DGKI: variants seen among roughly 807,000 people sequenced by gnomAD.
The protein encoded by DGKI is DAG kinase iota.
In DGKI, 55 loss-of-function variants were observed where a neutral mutation model predicts 147.5. The ratio of observed to expected loss-of-function variants is 0.37; its 90% CI spans 0.30 to 0.47. The LOEUF (loss-of-function observed/expected upper bound fraction) is 0.47. DGKI is among the 20% of genes least tolerant of loss of function. The pLI is 1.00. For missense variants in DGKI, 1,007 were observed against 1,323.8 expected, an observed-to-expected ratio of 0.76 and a Z score of 3.71; for synonymous variants, 469 against 477.1, an observed-to-expected ratio of 0.98 and a Z score of 0.22.
At position 137,704,782 on chromosome 7, in the gene DGKI, T is replaced by C. The variant is rs1014346186; in HGVS notation, c.402-14780A>G. ...TTGAAAGCAGCTAGAGGAAAATAAA[T>C]CATCACATGCAAGGCATCCTTCATA... is the stretch of plus-strand genomic sequence containing the variant. On this transcript the variant is annotated intron_variant, in intron 1 of 32. Transcript: ENST00000614521. Among the ~76,000 whole-genome samples the C allele has an allele frequency of 8.5e-5, 13 of 152,056 alleles. No individual in the cohort carries two copies. In the East Asian group the frequency reaches 2.5e-3, roughly 29 times the overall value.
In DGKI at chr7:137,622,737, T is replaced by C. The variant is rs186299088; in HGVS notation, c.876+746A>G. On this transcript the variant is annotated intron_variant, in intron 7 of 32. Coordinates refer to ENST00000614521, the MANE Select transcript of DGKI (RefSeq NM_001321708.2). The stretch of plus-strand genomic sequence containing the variant: ...CTGCCAACACCTGGGTTAGACTATA[T>C]GTTATGTGGTAAAAGAAAGAACAGG... Among the ~76,000 whole-genome samples the C allele has an allele frequency of 2.6e-5, 4 of 152,290 alleles. No individual in the cohort carries two copies. In the East Asian group the frequency reaches 7.7e-4, roughly 29 times the overall value.
chr7:137,723,156 C>G (rs1368283064), intron 1 of DGKI, among the ~76,000 whole-genome samples: 1 of 152,200 alleles, frequency 6.6e-6, no homozygotes, highest in Non-Finnish European at 1.5e-5. Flanking sequence ...GTACCCTCCT[C>G]AGGGAGGCCT....
intron 1 of DGKI, among the ~76,000 whole-genome samples, chr7:137,825,679 C>A (rs537815615): frequency 4.6e-5 from 7 of 151,536 alleles, no homozygotes; most frequent in Admixed American, 2.0e-4. Context: ...CACTCACACA[C>A]ACACATACAC....
chr7:137,638,642 G>GTA (rs1563126073), intron 6 of DGKI, among the ~76,000 whole-genome samples: 103 of 3,338 alleles, frequency 0.031, 20 homozygotes, highest in African/African-American at 0.06. Flanking sequence ...GTGTATATAT[G>GTA]TGTATGTATA....
intron 8 of DGKI, among the ~76,000 whole-genome samples, chr7:137,613,228 T>TC (rs533714217): frequency 1.2e-3 from 181 of 151,642 alleles, no homozygotes; most frequent in African/African-American, 4.2e-3. Flanking sequence ...AAATAAAGTC[T>TC]CCCCCCCATC....
intron 2 of DGKI, among the ~76,000 whole-genome samples, chr7:137,688,073 C>T (rs2116444718): frequency 6.6e-6 from 1 of 152,272 alleles, no homozygotes; most frequent in Non-Finnish European, 1.5e-5. Flanking sequence ...CTGGCTCAGG[C>T]AGGACACTTC....
At chr7:137,637,291 C>G (rs1821347202) in intron 6 of DGKI, among the ~76,000 whole-genome samples, 2 of 152,136 alleles carry the variant, frequency 1.3e-5, no homozygotes, top group African/African-American at 2.4e-5. Context: ...TCTTGGGAAC[C>G]CTGAGCTAAA....
intron 6 of DGKI, among the ~76,000 whole-genome samples, chr7:137,625,862 C>G (rs113054619): frequency 5.9e-5 from 9 of 152,242 alleles, no homozygotes; most frequent in African/African-American, 2.2e-4. Flanking sequence ...ACCCTTCGGC[C>G]CACTAGACTC....
chr7:137,721,850 C>A, intron 1 of DGKI: 1 of 607,852 alleles, frequency 1.6e-6, no homozygotes, highest in South Asian at 2.2e-5. Context: ...AATGATCTGG[C>A]CCTTGGCACA....
intron 2 of DGKI, 82 bp from the exon 3 acceptor site, chr7:137,678,734 A>G (rs1048614118): frequency 8.4e-5 from 109 of 1,299,616 alleles, no homozygotes; most frequent in Non-Finnish European, 1.1e-4. Flanking sequence ...TTTGGGATAC[A>G]AGAAAGTTAG....
chr7:137,510,688 G>A (rs909765778), intron 21 of DGKI, among the ~76,000 whole-genome samples: 1 of 152,144 alleles, frequency 6.6e-6, no homozygotes, highest in African/African-American at 2.4e-5. Flanking sequence ...TACACTGCAG[G>A]GTGATGGTCA....
chr7:137,439,293 T>C (rs746747929), intron 28 of DGKI, among the ~76,000 whole-genome samples: 5 of 152,194 alleles, frequency 3.3e-5, no homozygotes, highest in South Asian at 2.1e-4. Flanking sequence ...CATAACTGTA[T>C]TAATCCATTC....
At chr7:137,628,827 C>A (rs1320843576) in intron 6 of DGKI, among the ~76,000 whole-genome samples, 6 of 152,102 alleles carry the variant, frequency 3.9e-5, no homozygotes, top group Non-Finnish European at 8.8e-5. Flanking sequence ...TGCCTTCTGA[C>A]TTCTTCTGTC....
rs537682181 is a variant in DGKI at position 137,425,175 on chromosome 7, C to T, written c.2762-12968G>A. Among the ~76,000 whole-genome samples, 1,159 of 152,302 alleles carry T rather than the reference C, an allele frequency of 7.6e-3. 9 individuals carry two copies. Among genetic ancestry groups the T allele is most frequent in the African/African-American group, 0.027 (1,103 of 41,560 alleles). On this transcript the variant is annotated intron_variant, in intron 28 of 32. Coordinates refer to ENST00000614521, the MANE Select transcript of DGKI (RefSeq NM_001321708.2). ...AGTAGGGGCAGACTGACACCTCACA[C>T]TGCCGGGTACTCCTCTGAGACAAAA...
At chr7:137,417,016 T>C (rs1340267824) in intron 28 of DGKI, among the ~76,000 whole-genome samples, 2 of 152,222 alleles carry the variant, frequency 1.3e-5, no homozygotes, top group African/African-American at 4.8e-5. Flanking sequence ...TGTTTAAGAT[T>C]TCCTCCACAT....
chr7:137,739,150 G>A (rs1345340633), intron 1 of DGKI, among the ~76,000 whole-genome samples: 4 of 152,100 alleles, frequency 2.6e-5, no homozygotes, highest in South Asian at 2.1e-4. Context: ...TCTGAGCCAC[G>A]TGTCTCAGCA....
At chr7:137,622,956 T>A (rs1298641232) in intron 7 of DGKI, among the ~76,000 whole-genome samples, 6 of 152,098 alleles carry the variant, frequency 3.9e-5, no homozygotes, top group Non-Finnish European at 2.9e-5. Flanking sequence ...ACAGACAACA[T>A]CCAAACCTAA....
At position 137,386,366 on chromosome 7, in the gene DGKI, A is replaced by G. The variant is rs1458668841; in HGVS notation, c.*4854T>C. The G allele has an allele frequency of 6.6e-6, 1 of 152,110 alleles. No individual in the cohort carries two copies. The highest frequency in any genetic ancestry group is 6.6e-5 in the Admixed American group (1 of 15,256). 9.4% of individuals were successfully genotyped at this position (152,110 alleles called of 1,614,324 possible). On this transcript the variant is annotated 3_prime_UTR_variant, in exon 33 of 33. Transcript: ENST00000614521. ...GCCGTCAAAGAGGCATGTGGCTTAC[A>G]TTGTTGAATGAGGAAGCAGCAGCCG...
rs1814800284 is a variant in DGKI, at chr7:137,469,571, G to A, written c.2422C>T (p.Pro808Ser). The change falls in exon 24 of 33, where the codon CCT (proline) becomes TCT (serine). Residue 808 changes from proline (P) to serine (S), a missense_variant. Physicochemically the swap from Pro to Ser is moderately conservative, Grantham distance 74. Transcript: ENST00000614521. ...PRALSAQRLS[P>S]RWCFLDATSA... ...TCACCATCTAGGAAGCACCACCGAG[G>A]AGAGAGCCTCTGTGCTGAGAGAGCC... is the stretch of plus-strand genomic sequence containing the variant. 1 of 1,614,024 alleles carries A rather than the reference G, an allele frequency of 6.2e-7. No homozygotes were observed. Among genetic ancestry groups the A allele is most frequent in the Non-Finnish European group, 8.5e-7 (1 of 1,179,960 alleles).
Sources: gnomAD v4.1 joint callset for allele counts (sites outside exome capture counted in the v4.1 genomes callset) on GRCh38, gnomAD v4.1.1 for gene constraint, MANE v1.5 for transcripts, NCBI Gene and HGNC (gene_info 2026-07-23, HGNC 2026-07-21) for gene names.